The following IQGAP2 variants were observed in gnomAD, a reference collection of about 807,000 sequenced individuals.
IQGAP2 encodes the protein IQ motif containing GTPase activating protein 2.
A neutral mutation model predicts 201.3 loss-of-function variants in IQGAP2; 173 were observed. The ratio of observed to expected loss-of-function variants is 0.86; its 90% confidence interval spans 0.76 to 0.98. The LOEUF (loss-of-function observed/expected upper bound fraction) is 0.98, where lower values mean the gene tolerates loss of function less well. IQGAP2 is among the 50% of genes least tolerant of loss of function. The probability of loss-of-function intolerance (pLI) is 0.00; values close to 1 mark genes in which losing one functional copy is unlikely to be tolerated. For missense variants in IQGAP2, 1,687 were observed against 1,864.8 expected (o/e 0.90, Z 1.76); for synonymous variants, 675 against 673.9 (o/e 1.00, Z -0.03).
intron 2 of IQGAP2, among the ~76,000 whole-genome samples, chr5:76,496,750 TTTCTTTCTTTCTTTC>T (rs1561416392): frequency 0.013 from 849 of 65,536 alleles, 41 homozygotes; most frequent in African/African-American, 0.057. Flanking sequence ...TCTTTCTTTC[TTTCTTTCTTTCTTTC>T]TTTCTTTCTT....
chr5:76,586,218 G>A (rs1746234380), intron 5 of IQGAP2, among the ~76,000 whole-genome samples: 1 of 151,930 alleles, frequency 6.6e-6, no homozygotes. Context: ...TGCTAGTTTG[G>A]GATTATGAAT....
At position 76,674,471 on chromosome 5, in the gene IQGAP2, C is replaced by T; in HGVS notation, c.3295-6C>T. 1 of 1,592,846 alleles carries T rather than the reference C, an allele frequency of 6.3e-7. No individual in the cohort carries two copies. Among genetic ancestry groups the T allele is most frequent in the Non-Finnish European group, 8.6e-7 (1 of 1,161,132 alleles). ...AAAATGGTCATGCACTTCTGCGTCA[C>T]TCCAGATTGTTGGAAACCTCCTGTA... On this transcript the variant is annotated splice_polypyrimidine_tract_variant and splice_region_variant and intron_variant, in intron 26 of 35. Transcript: ENST00000274364.
intron 2 of IQGAP2, among the ~76,000 whole-genome samples, chr5:76,557,898 T>C (rs1744059119): frequency 1.3e-5 from 2 of 152,002 alleles, no homozygotes; most frequent in Admixed American, 1.3e-4. Flanking sequence ...CCTCCGCCTC[T>C]CAGATTCAAG....
intron 13 of IQGAP2, among the ~76,000 whole-genome samples, chr5:76,625,744 A>G (rs951660762): frequency 6.6e-6 from 1 of 152,120 alleles, no homozygotes; most frequent in Admixed American, 6.5e-5. Context: ...ACCAGTGACT[A>G]TTTCCTCTCC....
chr5:76,559,742 C>G (rs1225736760), intron 2 of IQGAP2, among the ~76,000 whole-genome samples: 1 of 152,170 alleles, frequency 6.6e-6, no homozygotes, highest in African/African-American at 2.4e-5. Flanking sequence ...CTGTGGAGTT[C>G]GTGTGGTCTC....
intron 23 of IQGAP2, among the ~76,000 whole-genome samples, chr5:76,669,726 G>C (rs1744123863): frequency 6.6e-6 from 1 of 152,190 alleles, no homozygotes; most frequent in African/African-American, 2.4e-5. Flanking sequence ...GCCAGAAAGT[G>C]ACTTAATTAC....
At chr5:76,492,584 G>A (rs76431346) in intron 2 of IQGAP2, among the ~76,000 whole-genome samples, 3,112 of 152,314 alleles carry the variant, frequency 0.02, 43 homozygotes, top group Non-Finnish European at 0.029. Context: ...AGCCAGTTAC[G>A]GAGAGCCTTG....
chr5:76,434,878 A>AT (rs140868711), intron 1 of IQGAP2, among the ~76,000 whole-genome samples: 129,637 of 151,994 alleles, frequency 0.85, 55,731 homozygotes, highest in Non-Finnish European at 0.9. Context: ...TTGTTTTTTG[A>AT]TTTTTATTAG....
chr5:76,439,553 A>G (rs181087898), intron 1 of IQGAP2, among the ~76,000 whole-genome samples: 1 of 152,206 alleles, frequency 6.6e-6, no homozygotes, highest in Non-Finnish European at 1.5e-5. Context: ...TTAGGTGGTA[A>G]TATCTTCTTG....
chr5:76,668,514 G>C (rs891923924), intron 22 of IQGAP2, among the ~76,000 whole-genome samples, 167 bp from the exon 23 acceptor site: 4 of 151,932 alleles, frequency 2.6e-5, no homozygotes, highest in Admixed American at 6.6e-5. Context: ...ATAGCATAGA[G>C]ATGAGTACCT....
chr5:76,552,370 A>AT lies in IQGAP2; in HGVS notation c.147-10019dup, dbSNP rs1314069206. Among the ~76,000 whole-genome samples, 6 of 152,152 alleles carry AT rather than the reference A, an allele frequency of 3.9e-5. No homozygotes were observed. The South Asian group carries it at 6.2e-4, about 16-fold the overall frequency. ...GGTGCCCTCTCCAGAACACATTCTC[A>AT]TTTTTTTGCAATATGGATAAGCTGA... On this transcript the variant is annotated intron_variant, in intron 2 of 35. Coordinates refer to ENST00000274364, the MANE Select transcript of IQGAP2 (RefSeq NM_006633.5).
chr5:76,507,003 T>C (rs779583447), intron 2 of IQGAP2, among the ~76,000 whole-genome samples: 18 of 152,216 alleles, frequency 1.2e-4, no homozygotes, highest in Admixed American at 2.6e-4. Context: ...ACTCTGGATA[T>C]TGACAAACTG....
intron 13 of IQGAP2, chr5:76,618,034 T>A: frequency 6.2e-7 from 1 of 1,614,062 alleles, no homozygotes; most frequent in Non-Finnish European, 8.5e-7. Context: ...AATGGCAGCA[T>A]ATATAAGAAA....
At chr5:76,467,880 C>G (rs910912336) in intron 2 of IQGAP2, among the ~76,000 whole-genome samples, 1 of 152,092 alleles carries the variant, frequency 6.6e-6, no homozygotes, top group African/African-American at 2.4e-5. Flanking sequence ...CAAAAGGCCA[C>G]ATATTATATG....
chr5:76,673,608 A>G lies in IQGAP2; in HGVS notation c.3209+19A>G, dbSNP rs780067077. ...TACTGCCGTAAGTTGTACTTGCAGC[A>G]AGTTTAACATTCTTTCCTGGAACGT... On this transcript the variant is annotated intron_variant, in intron 25 of 35. Coordinates refer to ENST00000274364, the MANE Select transcript of IQGAP2 (RefSeq NM_006633.5). 8 of 1,612,030 alleles carry G rather than the reference A, an allele frequency of 5.0e-6. No individual in the cohort carries two copies. The highest frequency in any genetic ancestry group is 5.9e-6 in the Non-Finnish European group (7 of 1,178,842).
At chr5:76,468,916 G>A (rs929288685) in intron 2 of IQGAP2, among the ~76,000 whole-genome samples, 2 of 152,132 alleles carry the variant, frequency 1.3e-5, no homozygotes, top group South Asian at 2.1e-4. Flanking sequence ...CAAACTCACC[G>A]ATTAGAAGGC....
intron 21 of IQGAP2, among the ~76,000 whole-genome samples, chr5:76,663,797 T>A (rs1353888400): frequency 6.6e-6 from 1 of 152,226 alleles, no homozygotes; most frequent in Non-Finnish European, 1.5e-5. Flanking sequence ...CCTCCCAAAG[T>A]GCTGAGATCA....
rs187517480 is a variant in IQGAP2, at chr5:76,520,787, C to T, written c.147-41609C>T. Among the ~76,000 whole-genome samples the T allele has an allele frequency of 2.0e-4, 29 of 148,228 alleles. No homozygotes were observed. The East Asian group carries it at 5.1e-3, about 26-fold the overall frequency. ...GAGTGGCACGATCTCGGCTCACTGC[C>T]GACTCCGCCTCCCAGGTTCAAGCGA... is the stretch of plus-strand genomic sequence containing the variant. On this transcript the variant is annotated intron_variant, in intron 2 of 35. Coordinates refer to ENST00000274364, the MANE Select transcript of IQGAP2 (RefSeq NM_006633.5).
At chr5:76,523,076 C>CA (rs1758781614) in intron 2 of IQGAP2, among the ~76,000 whole-genome samples, 1 of 78,372 alleles carries the variant, frequency 1.3e-5, no homozygotes, top group African/African-American at 5.1e-5. Flanking sequence ...TTTCTTTTGC[C>CA]TTTTTTTTTT....
Sources: gnomAD v4.1 joint callset for allele counts (sites outside exome capture counted in the v4.1 genomes callset) on GRCh38, gnomAD v4.1.1 for gene constraint, MANE v1.5 for transcripts, NCBI Gene and HGNC (gene_info 2026-07-23, HGNC 2026-07-21) for gene names.